ELOVL7: variants seen among roughly 807,000 people sequenced by gnomAD.
The protein encoded by ELOVL7 is ELOVL fatty acid elongase 7.
Under a neutral mutation model 35.7 loss-of-function variants are expected in ELOVL7, and 27 were observed. The ratio of observed to expected loss-of-function variants is 0.76; its 90% CI spans 0.56 to 1.04. The LOEUF (loss-of-function observed/expected upper bound fraction) is 1.04, where lower values mean the gene tolerates loss of function less well. ELOVL7 is among the 50% of genes least tolerant of loss of function. The pLI is 0.00. For missense variants in ELOVL7, 327 were observed against 340.8 expected, an observed-to-expected ratio of 0.96 and a Z score of 0.32; for synonymous variants, 113 against 114.6, an observed-to-expected ratio of 0.99 and a Z score of 0.09.
chr5:60,794,267 T>G (rs916966445), intron 2 of ELOVL7, among the ~76,000 whole-genome samples: 2 of 152,240 alleles, frequency 1.3e-5, no homozygotes, highest in Non-Finnish European at 2.9e-5. Context: ...ACATGAGAAA[T>G]GCGCCTTCTT....
chr5:60,816,347 C>G (rs1745515443), intron 1 of ELOVL7, among the ~76,000 whole-genome samples: 1 of 149,992 alleles, frequency 6.7e-6, no homozygotes, highest in Admixed American at 6.7e-5. Flanking sequence ...CATCACTGCA[C>G]TCCAGCCTGA....
chr5:60,757,754 T>A (rs1741633719), intron 7 of ELOVL7, 109 bp from the exon 8 acceptor site: 1 of 881,268 alleles, frequency 1.1e-6, no homozygotes, highest in Non-Finnish European at 1.6e-6. Flanking sequence ...TGGAAAAAAA[T>A]ATATAAAATA....
chr5:60,828,175 GA>G (rs1028135459), intron 1 of ELOVL7, among the ~76,000 whole-genome samples: 7 of 152,156 alleles, frequency 4.6e-5, no homozygotes, highest in African/African-American at 1.7e-4. Flanking sequence ...TCATTAACAG[GA>G]CCCCTTTGAC....
intron 3 of ELOVL7, among the ~76,000 whole-genome samples, chr5:60,781,588 C>A (rs958674730): frequency 1.3e-5 from 2 of 152,006 alleles, no homozygotes; most frequent in African/African-American, 4.8e-5. Flanking sequence ...AATTTTTTCC[C>A]GTAATTTAAT....
In ELOVL7 at chr5:60,772,179, G is replaced by A. The variant is rs576114126; in HGVS notation, c.65-86C>T. On this transcript the variant is annotated intron_variant, in intron 3 of 8. Coordinates refer to ENST00000508821, the MANE Select transcript of ELOVL7 (RefSeq NM_024930.3). Reference sequence around the variant, plus strand: ...CAACATTTCTTTAACTGAGCACCCAGATCCTACTATTAACTGTGAGCTATT... The same window carrying A: ...CAACATTTCTTTAACTGAGCACCCAAATCCTACTATTAACTGTGAGCTATT... The A allele has an allele frequency of 1.7e-5, 13 of 784,738 alleles. No individual in the cohort carries two copies. In the South Asian group the frequency reaches 2.5e-4, roughly 15 times the overall value. The allele number at this position is 784,738 out of a possible 1,614,324, so 48.6% of individuals were successfully genotyped here. A position where few individuals can be genotyped will look rare whatever the true frequency, so the allele number is the denominator to read the frequency against.
chr5:60,816,311 G>C (rs569979832), intron 1 of ELOVL7, among the ~76,000 whole-genome samples: 4 of 151,942 alleles, frequency 2.6e-5, no homozygotes, highest in African/African-American at 9.7e-5. Flanking sequence ...TTCAGAGGAG[G>C]CGGAAGTTGC....
chr5:60,782,558 T>A (rs1360392064), intron 3 of ELOVL7, among the ~76,000 whole-genome samples: 1 of 152,240 alleles, frequency 6.6e-6, no homozygotes, highest in African/African-American at 2.4e-5. Context: ...TCTAAAGTTA[T>A]GCCTTTCTGA....
At chr5:60,828,900 T>C (rs1211597688) in intron 1 of ELOVL7, among the ~76,000 whole-genome samples, 1 of 152,200 alleles carries the variant, frequency 6.6e-6, no homozygotes. Flanking sequence ...TTCAGATTGA[T>C]TGGCTATTTG....
intron 7 of ELOVL7, among the ~76,000 whole-genome samples, chr5:60,761,081 T>A (rs1170841372): frequency 6.6e-6 from 1 of 152,200 alleles, no homozygotes; most frequent in Non-Finnish European, 1.5e-5. Context: ...GTTTTTTGTA[T>A]CTTCTTTGGA....
At chr5:60,833,795 G>A (rs1746626149) in intron 1 of ELOVL7, among the ~76,000 whole-genome samples, 1 of 152,092 alleles carries the variant, frequency 6.6e-6, no homozygotes, top group Non-Finnish European at 1.5e-5. Context: ...GCTTCTGTGA[G>A]GACTAAATGA....
intron 3 of ELOVL7, among the ~76,000 whole-genome samples, chr5:60,777,271 G>A (rs1742963754): frequency 1.3e-5 from 2 of 151,398 alleles, no homozygotes; most frequent in African/African-American, 2.4e-5. Flanking sequence ...AAATGCTTGA[G>A]GGGATGGATA....
At chr5:60,759,507 T>C (rs911329620) in intron 7 of ELOVL7, among the ~76,000 whole-genome samples, 1 of 152,118 alleles carries the variant, frequency 6.6e-6, no homozygotes, top group Non-Finnish European at 1.5e-5. Flanking sequence ...TTCATAATAA[T>C]ATACACATAG....
At chr5:60,790,021 C>T (rs1743832841) in intron 2 of ELOVL7, among the ~76,000 whole-genome samples, 1 of 152,010 alleles carries the variant, frequency 6.6e-6, no homozygotes, top group Admixed American at 6.6e-5. Flanking sequence ...CCTGTAATTC[C>T]AGCTACTCAG....
chr5:60,816,587 T>G (rs1237879732), intron 1 of ELOVL7, among the ~76,000 whole-genome samples: 1 of 152,186 alleles, frequency 6.6e-6, no homozygotes, highest in Non-Finnish European at 1.5e-5. Flanking sequence ...ATAAATGGAT[T>G]TTTGACACAA....
intron 1 of ELOVL7, among the ~76,000 whole-genome samples, chr5:60,805,155 G>A (rs1405191277): frequency 6.6e-6 from 1 of 152,210 alleles, no homozygotes; most frequent in Non-Finnish European, 1.5e-5. Context: ...ACAGCTGAGA[G>A]AAAGGAGAGG....
intron 6 of ELOVL7, among the ~76,000 whole-genome samples, chr5:60,764,550 C>A (rs1394073782): frequency 6.6e-6 from 1 of 151,732 alleles, no homozygotes; most frequent in South Asian, 2.1e-4. Context: ...CATGGAAACA[C>A]CAATAAAAAG....
At chr5:60,769,560 G>T (rs558091913) in intron 4 of ELOVL7, among the ~76,000 whole-genome samples, 1 of 152,268 alleles carries the variant, frequency 6.6e-6, no homozygotes, top group East Asian at 1.9e-4. Flanking sequence ...TAACATCATT[G>T]GTAGAGGTGT....
At chr5:60,843,450 G>A (rs969115767) in intron 1 of ELOVL7, 6 of 152,192 alleles carry the variant, frequency 3.9e-5, no homozygotes, top group African/African-American at 1.4e-4. Flanking sequence ...AGGCTTTCCT[G>A]TTTCCATCTC....
intron 8 of ELOVL7, 141 bp from the exon 9 acceptor site, chr5:60,754,974 G>A: frequency 1.5e-6 from 1 of 688,712 alleles, no homozygotes; most frequent in Non-Finnish European, 2.4e-6. Context: ...GCCTCCCTGA[G>A]AGTGATAATG....
Sources: gnomAD v4.1 joint callset for allele counts (sites outside exome capture counted in the v4.1 genomes callset) on GRCh38, gnomAD v4.1.1 for gene constraint, MANE v1.5 for transcripts, NCBI Gene and HGNC (gene_info 2026-07-23, HGNC 2026-07-21) for gene names.